UGGT2: variants seen among roughly 807,000 people sequenced by gnomAD.
UGGT2 encodes the protein UDP-glucose:glycoprotein glucosyltransferase 2.
Under a neutral mutation model 192.1 loss-of-function variants are expected in UGGT2, and 180 were observed. That is an observed-to-expected ratio of 0.94 (90% CI 0.83 to 1.06). UGGT2 has a LOEUF of 1.06. Ranked by LOEUF, UGGT2 falls within the 50% of genes least tolerant of loss-of-function variation. The pLI, the probability that UGGT2 is intolerant of heterozygous loss-of-function variation, is 0.00. For missense variants in UGGT2, 1,849 were observed against 1,795.7 expected (o/e 1.03, Z -0.54); for synonymous variants, 580 against 591.0 (o/e 0.98, Z 0.27).
intron 16 of UGGT2, among the ~76,000 whole-genome samples, chr13:95,939,504 C>T (rs573865307): frequency 6.5e-5 from 9 of 138,734 alleles, no homozygotes; most frequent in Middle Eastern, 3.9e-3. Flanking sequence ...TGGCTCTTTC[C>T]GAATCTTCTG....
chr13:96,028,359 C>T (rs569794789), intron 2 of UGGT2, among the ~76,000 whole-genome samples: 2 of 152,246 alleles, frequency 1.3e-5, no homozygotes, highest in East Asian at 3.9e-4. Context: ...AATACAAAAG[C>T]AACTTAATTT....
chr13:96,053,341 G>C lies in UGGT2; in HGVS notation c.-29C>G, dbSNP rs368926256. 4 of 1,574,174 alleles carry C rather than the reference G, an allele frequency of 2.5e-6. No individual in the cohort carries two copies. The East Asian group carries it at 9.4e-5, about 37-fold the overall frequency. ...ACGGAGAGAAAAGCGCGAGTCCCTC[G>C]GACCCGGTACCCACAGTCTGTGGCC... On this transcript the variant is annotated 5_prime_UTR_variant, in exon 1 of 39. Transcript: ENST00000376747.
intron 38 of UGGT2, among the ~76,000 whole-genome samples, chr13:95,830,707 G>A (rs1436607822): frequency 6.6e-6 from 1 of 152,182 alleles, no homozygotes; most frequent in South Asian, 2.1e-4. Flanking sequence ...AACCATTGTG[G>A]AAGTCAGTGT....
intron 26 of UGGT2, among the ~76,000 whole-genome samples, chr13:95,886,170 T>C (rs9516620): frequency 0.3 from 45,922 of 151,938 alleles, 7,553 homozygotes; most frequent in Admixed American, 0.37. Flanking sequence ...TTCCCTACAA[T>C]ACAGGAAGGC....
intron 29 of UGGT2, chr13:95,876,874 CTTT>C (rs1030869839): frequency 5.3e-5 from 4 of 75,736 alleles, no homozygotes; most frequent in Non-Finnish European, 1.1e-4. Context: ...ACTCAGTCAT[CTTT>C]TTTTTTTTTT....
intron 1 of UGGT2, among the ~76,000 whole-genome samples, chr13:96,042,968 A>C (rs908273369): frequency 3.3e-5 from 5 of 152,186 alleles, no homozygotes; most frequent in Non-Finnish European, 7.4e-5. Context: ...AAACTTCCCC[A>C]CCCTTTCTAG....
At chr13:95,831,464 C>G (rs1185956989) in intron 38 of UGGT2, among the ~76,000 whole-genome samples, 1 of 151,972 alleles carries the variant, frequency 6.6e-6, no homozygotes, top group Non-Finnish European at 1.5e-5. Flanking sequence ...CCTTGTTTGT[C>G]TTGAAAGGCT....
At chr13:95,909,908 C>T (rs528467180) in intron 20 of UGGT2, among the ~76,000 whole-genome samples, 4 of 150,640 alleles carry the variant, frequency 2.7e-5, no homozygotes, top group African/African-American at 7.3e-5. Context: ...AGAAACCCTA[C>T]AAGCCAGAAG....
At chr13:95,917,598 A>G (rs1015927071) in intron 20 of UGGT2, among the ~76,000 whole-genome samples, 10 of 152,216 alleles carry the variant, frequency 6.6e-5, no homozygotes, top group Non-Finnish European at 1.2e-4. Context: ...AAATGCCCCA[A>G]TTAAAAGACA....
At chr13:96,017,137 CTTG>C (rs2052364002) in intron 4 of UGGT2, among the ~76,000 whole-genome samples, 1 of 152,160 alleles carries the variant, frequency 6.6e-6, no homozygotes, top group African/African-American at 2.4e-5. Flanking sequence ...AAGTAAATAA[CTTG>C]TTTTGATTTT....
At chr13:96,026,108 T>A (rs2052656135) in intron 2 of UGGT2, among the ~76,000 whole-genome samples, 2 of 151,942 alleles carry the variant, frequency 1.3e-5, no homozygotes, top group Admixed American at 1.3e-4. Flanking sequence ...AATAATGAAC[T>A]TACATACCTA....
intron 20 of UGGT2, among the ~76,000 whole-genome samples, chr13:95,912,975 C>A: frequency 6.6e-6 from 1 of 152,160 alleles, no homozygotes; most frequent in East Asian, 1.9e-4. Context: ...CTGACAAAAA[C>A]AAGAAATGGG....
chr13:95,863,639 A>G lies in UGGT2; in HGVS notation c.3634T>C (p.Ser1212Pro), dbSNP rs1487061399. ...TTCATTAGTAATTACCTTTTAATGG[A>G]ATCCCACAGTCCTTTTGTTTTTTCA... ...EDEKTKGLWDSIKSFTVSLHK... is the reference protein window; with the variant it reads ...EDEKTKGLWDPIKSFTVSLHK... The change falls in exon 31 of 39, where the codon TCC becomes CCC. Residue 1212 changes from serine to proline, a missense_variant. Coordinates refer to ENST00000376747, the MANE Select transcript of UGGT2 (RefSeq NM_020121.4). 4 of 1,609,402 alleles carry G rather than the reference A, an allele frequency of 2.5e-6. No individual in the cohort carries two copies. In the South Asian group the frequency reaches 4.4e-5, roughly 18 times the overall value.
At chr13:95,881,913 CTTT>C (rs71113958) in intron 27 of UGGT2, among the ~76,000 whole-genome samples, 1 of 144,292 alleles carries the variant, frequency 6.9e-6, no homozygotes, top group Admixed American at 6.9e-5. Context: ...TCACTTTTAG[CTTT>C]TTTTTTTTTT....
chr13:95,937,056 C>G lies in UGGT2; in HGVS notation c.1845G>C (p.Leu615=), dbSNP rs41277672. ...TATAAAGAGCTTGAGGCAAAGGACC[C>G]AGGCCAGTCATCTTATAAAAGCTTG... ...AGASFYKMTG[L]GPLPQALYNG... Residue 615 remains leucine (L), a synonymous_variant, in exon 17 of 39, where the codon CTG becomes CTC. Transcript: ENST00000376747. The G allele has an allele frequency of 1.9e-3, 3,069 of 1,600,540 alleles. 18 individuals carry two copies. The highest frequency in any genetic ancestry group is 5.9e-3 in the East Asian group (263 of 44,742).
intron 20 of UGGT2, among the ~76,000 whole-genome samples, chr13:95,919,965 C>T (rs533074539): frequency 6.6e-6 from 1 of 152,276 alleles, no homozygotes; most frequent in Non-Finnish European, 1.5e-5. Flanking sequence ...TACAAGGCTA[C>T]AGTAACCAAG....
chr13:95,943,070 CTTTTG>C (rs1395851539), intron 15 of UGGT2, among the ~76,000 whole-genome samples: 3 of 152,120 alleles, frequency 2.0e-5, no homozygotes, highest in African/African-American at 4.8e-5. Context: ...CCCCCACGTT[CTTTTG>C]ATAGATATGT....
rs139376206 is a variant in UGGT2 at position 95,819,284 on chromosome 13, A to G, written c.4528+13643T>C. ...GCCAGTTATTACAAATAGAGTAGTA[A>G]GCAAGTTTATTCTTCTACTTTTTCT... is the stretch of plus-strand genomic sequence containing the variant. On this transcript the variant is annotated intron_variant, in intron 38 of 38. Transcript: ENST00000376747. 3.2e-3 allele frequency among the ~76,000 whole-genome samples: 486 copies of G among 152,298 alleles called. 3 individuals are homozygous for G. The highest frequency in any genetic ancestry group is 0.011 in the African/African-American group (464 of 41,572).
intron 7 of UGGT2, among the ~76,000 whole-genome samples, chr13:95,995,517 T>C (rs766677710): frequency 3.3e-5 from 5 of 152,098 alleles, no homozygotes; most frequent in African/African-American, 4.8e-5. Context: ...TTTACAAGTA[T>C]GAATCAAAAA....
Sources: allele counts gnomAD v4.1 joint callset (sites outside exome capture counted in the v4.1 genomes callset), GRCh38; gene constraint gnomAD v4.1.1; transcripts MANE v1.5; gene names NCBI Gene and HGNC (gene_info 2026-07-23, HGNC 2026-07-21).